GALNT17: variants seen among roughly 807,000 people sequenced by gnomAD.
GALNT17 encodes polypeptide N-acetylgalactosaminyltransferase 17, also known as UDP-GalNAc:polypeptide N-acetylgalactosaminyltransferase-like 3.
A neutral mutation model predicts 63.7 loss-of-function variants in GALNT17; 29 were observed. The observed-to-expected ratio is 0.46, with a 90% CI of 0.34 to 0.62. The LOEUF (loss-of-function observed/expected upper bound fraction) is 0.62, where lower values mean the gene tolerates loss of function less well. Among genes scored for constraint, GALNT17 ranks in the 20% least tolerant of loss-of-function variants. GALNT17 has a pLI of 0.01. For synonymous variants in GALNT17, 305 were observed against 318.3 expected (o/e 0.96, Z 0.45); for missense variants, 603 against 799.6 (o/e 0.75, Z 2.97).
chr7:71,480,413 C>T (rs1012998876), intron 5 of GALNT17, among the ~76,000 whole-genome samples: 11 of 152,100 alleles, frequency 7.2e-5, no homozygotes, highest in Non-Finnish European at 1.6e-4. Flanking sequence ...TGTCCACCAG[C>T]TTCATGCTTT....
At chr7:71,274,954 C>T (rs892471023) in intron 1 of GALNT17, among the ~76,000 whole-genome samples, 14 of 152,244 alleles carry the variant, frequency 9.2e-5, no homozygotes, top group African/African-American at 2.9e-4. Context: ...CCTGGGGGGT[C>T]GAAAGGGGAG....
intron 5 of GALNT17, among the ~76,000 whole-genome samples, chr7:71,559,240 G>C (rs1185785730): frequency 1.3e-5 from 2 of 152,184 alleles, no homozygotes; most frequent in Non-Finnish European, 2.9e-5. Flanking sequence ...TAATGTGCCA[G>C]TTGAGAATTC....
chr7:71,294,105 T>C (rs972233096), intron 1 of GALNT17, among the ~76,000 whole-genome samples: 4 of 150,130 alleles, frequency 2.7e-5, no homozygotes, highest in African/African-American at 9.8e-5. Flanking sequence ...GAGCTTGCAG[T>C]GAGCCGAGAT....
chr7:71,584,765 T>G (rs1165389803), intron 6 of GALNT17, among the ~76,000 whole-genome samples: 1 of 152,266 alleles, frequency 6.6e-6, no homozygotes, highest in Admixed American at 6.5e-5. Context: ...TTTATTTATT[T>G]ATTTATTTAA....
At chr7:71,419,191 G>A (rs982195658) in intron 4 of GALNT17, among the ~76,000 whole-genome samples, 1 of 152,164 alleles carries the variant, frequency 6.6e-6, no homozygotes, top group African/African-American at 2.4e-5. Flanking sequence ...TGCATGATCT[G>A]GACTTGCATG....
At chr7:71,224,610 C>T (rs2190224) in intron 1 of GALNT17, among the ~76,000 whole-genome samples, 50,089 of 151,980 alleles carry the variant, frequency 0.33, 9,218 homozygotes, top group South Asian at 0.53. Context: ...CAGCAAACCA[C>T]GAGAACACCT....
At chr7:71,145,616 C>T (rs1437926528) in intron 1 of GALNT17, among the ~76,000 whole-genome samples, 3 of 152,332 alleles carry the variant, frequency 2.0e-5, no homozygotes, top group South Asian at 2.1e-4. Flanking sequence ...TAGTGATGAA[C>T]GCAGAATGTG....
At chr7:71,395,968 AATT>A (rs1431480468) in intron 3 of GALNT17, among the ~76,000 whole-genome samples, 1 of 152,100 alleles carries the variant, frequency 6.6e-6, no homozygotes, top group Non-Finnish European at 1.5e-5. Context: ...ATTGACTCAT[AATT>A]ATTCTTTATT....
At chr7:71,478,671 G>A (rs544913081) in intron 5 of GALNT17, among the ~76,000 whole-genome samples, 1 of 152,178 alleles carries the variant, frequency 6.6e-6, no homozygotes, top group South Asian at 2.1e-4. Flanking sequence ...CTCCCTTGTA[G>A]CTAGACCATG....
At chr7:71,134,657 C>T (rs776141786) in intron 1 of GALNT17, among the ~76,000 whole-genome samples, 3 of 151,906 alleles carry the variant, frequency 2.0e-5, no homozygotes, top group Admixed American at 1.3e-4. Flanking sequence ...GCACAGAATG[C>T]GACAAAAACC....
intron 1 of GALNT17, among the ~76,000 whole-genome samples, chr7:71,279,361 G>A (rs1274283068): frequency 1.3e-5 from 2 of 151,962 alleles, no homozygotes; most frequent in African/African-American, 4.8e-5. Flanking sequence ...CATCATGAGG[G>A]TAACTGCCCC....
chr7:71,343,861 C>G (rs1792046328), intron 2 of GALNT17, among the ~76,000 whole-genome samples: 1 of 151,134 alleles, frequency 6.6e-6, no homozygotes, highest in Non-Finnish European at 1.5e-5. Flanking sequence ...ACATTTTATG[C>G]TTTTTGTATA....
chr7:71,177,243 C>T lies in GALNT17; in HGVS notation c.238+44203C>T, dbSNP rs111741102. On this transcript the variant is annotated intron_variant, in intron 1 of 10. Transcript: ENST00000333538. ...ACAGGCTAGTTTCCCTCCCTAACCT[C>T]CCCTTCCACCTTGGGGAATAGGACA... Among the ~76,000 whole-genome samples the T allele has an allele frequency of 6.4e-3, 969 of 152,224 alleles. 15 individuals are homozygous for T. The highest frequency in any genetic ancestry group is 0.022 in the African/African-American group (913 of 41,518).
At chr7:71,654,697 T>TGTGC (rs369542757) in intron 6 of GALNT17, among the ~76,000 whole-genome samples, 70,502 of 152,132 alleles carry the variant, frequency 0.46, 18,881 homozygotes, top group East Asian at 0.74. Context: ...ATCTTTAACT[T>TGTGC]CAGGTATCTA....
intron 1 of GALNT17, among the ~76,000 whole-genome samples, chr7:71,147,933 C>T (rs1451456117): frequency 6.6e-6 from 1 of 152,158 alleles, no homozygotes; most frequent in Non-Finnish European, 1.5e-5. Context: ...CCAGGCCTCT[C>T]CAAGGACCAT....
chr7:71,272,991 T>A (rs1790620054), intron 1 of GALNT17, among the ~76,000 whole-genome samples: 1 of 151,426 alleles, frequency 6.6e-6, no homozygotes, highest in South Asian at 2.1e-4. Flanking sequence ...TCATTTTTAT[T>A]GCTTTTGAGT....
At chr7:71,331,826 T>C (rs1019298568) in intron 1 of GALNT17, among the ~76,000 whole-genome samples, 3 of 152,076 alleles carry the variant, frequency 2.0e-5, no homozygotes, top group East Asian at 1.9e-4. Flanking sequence ...GATGAGACAA[T>C]GGTAGAATAA....
intron 6 of GALNT17, among the ~76,000 whole-genome samples, chr7:71,593,249 A>G (rs1278254784): frequency 1.5e-5 from 2 of 130,648 alleles, no homozygotes; most frequent in Non-Finnish European, 3.2e-5. Context: ...ATTTACCAAT[A>G]TTTTTCTTCC....
At chr7:71,202,399 G>A (rs1223519880) in intron 1 of GALNT17, among the ~76,000 whole-genome samples, 1 of 152,136 alleles carries the variant, frequency 6.6e-6, no homozygotes, top group Non-Finnish European at 1.5e-5. Context: ...AGTCTGCATT[G>A]TTTTAATTCT....
Sources: gnomAD v4.1 joint callset for allele counts (sites outside exome capture counted in the v4.1 genomes callset) on GRCh38, gnomAD v4.1.1 for gene constraint, MANE v1.5 for transcripts, NCBI Gene and HGNC (gene_info 2026-07-23, HGNC 2026-07-21) for gene names.